Variants in CADM2 observed in about 807,000 individuals in gnomAD.
The protein encoded by CADM2 is immunoglobulin superfamily member 4D.
In CADM2, 12 loss-of-function variants were observed where a neutral mutation model predicts 49.8. The observed-to-expected ratio is 0.24, with a 90% CI of 0.15 to 0.39. CADM2 has a LOEUF of 0.39. Among genes scored for constraint, CADM2 ranks in the 10% least tolerant of loss-of-function variants. The pLI is 1.00. For synonymous variants in CADM2, 214 were observed against 175.4 expected (o/e 1.22, Z -1.74); for missense variants, 378 against 492.3 (o/e 0.77, Z 2.20).
intron 1 of CADM2, among the ~76,000 whole-genome samples, chr3:85,151,108 G>A (rs1253614269): frequency 1.3e-5 from 2 of 151,942 alleles, no homozygotes; most frequent in Admixed American, 6.6e-5. Context: ...GAACAAATGG[G>A]TATGGGTAAG....
intron 1 of CADM2, among the ~76,000 whole-genome samples, chr3:85,468,470 C>T (rs183240378): frequency 1.1e-3 from 162 of 152,168 alleles, no homozygotes; most frequent in Non-Finnish European, 1.9e-3. Flanking sequence ...ATGGAAAAAA[C>T]CATCAAATAA....
chr3:85,001,886 G>A (rs1007652003), intron 1 of CADM2, among the ~76,000 whole-genome samples: 1 of 151,928 alleles, frequency 6.6e-6, no homozygotes, highest in Admixed American at 6.6e-5. Flanking sequence ...CTCAGATTTC[G>A]AATAATTAAA....
intron 1 of CADM2, among the ~76,000 whole-genome samples, chr3:85,105,631 AG>A (rs2038191434): frequency 6.6e-6 from 1 of 152,194 alleles, no homozygotes; most frequent in African/African-American, 2.4e-5. Context: ...GCTGCTATAA[AG>A]ACACATGCAC....
intron 1 of CADM2, among the ~76,000 whole-genome samples, chr3:85,009,197 T>C (rs1365520189): frequency 2.0e-5 from 3 of 152,166 alleles, no homozygotes; most frequent in Non-Finnish European, 4.4e-5. Context: ...ATGATGCTTG[T>C]CTTGTCTGAT....
chr3:85,748,610 C>T (rs542652007), intron 2 of CADM2, among the ~76,000 whole-genome samples: 2 of 152,178 alleles, frequency 1.3e-5, no homozygotes, highest in South Asian at 2.1e-4. Context: ...AGTTTCACAT[C>T]ATCTGAAAAA....
intron 1 of CADM2, among the ~76,000 whole-genome samples, chr3:85,145,226 T>C (rs914260191): frequency 2.0e-5 from 3 of 152,232 alleles, no homozygotes; most frequent in African/African-American, 7.2e-5. Context: ...CACACTAAAA[T>C]GACCACATTT....
chr3:86,029,735 G>C (rs867004626), intron 8 of CADM2, among the ~76,000 whole-genome samples: 2 of 152,024 alleles, frequency 1.3e-5, no homozygotes, highest in South Asian at 4.1e-4. Flanking sequence ...TGACTTGGAT[G>C]TTGACAGGAC....
At chr3:85,966,579 CATGT>C (rs1725498435) in intron 8 of CADM2, among the ~76,000 whole-genome samples, 2 of 151,552 alleles carry the variant, frequency 1.3e-5, no homozygotes, top group Non-Finnish European at 3.0e-5. Flanking sequence ...GTTTTCTTTA[CATGT>C]ATGTATTTTG....
intron 1 of CADM2, among the ~76,000 whole-genome samples, chr3:85,406,810 C>T (rs1199768485): frequency 1.3e-5 from 2 of 152,088 alleles, no homozygotes; most frequent in Non-Finnish European, 2.9e-5. Context: ...CACCTCTTGA[C>T]TGCTGCTTAC....
Position 85,399,249 on chromosome 3 carries a change from C to T in CADM2, c.62-327273C>T, listed in dbSNP as rs548335723. 7.2e-5 allele frequency among the ~76,000 whole-genome samples: 11 copies of T among 152,256 alleles called. No homozygotes were observed. In the East Asian group the frequency reaches 2.1e-3, roughly 29 times the overall value. ...AGCACCATTTATTAAATAGGGAATC[C>T]TTTCCCCATTGCTTGTTTTTGTCAG... On this transcript the variant is annotated intron_variant, in intron 1 of 9. Coordinates refer to ENST00000383699, the MANE Select transcript of CADM2 (RefSeq NM_001167675.2).
chr3:85,123,767 G>A (rs2038940342), intron 1 of CADM2, among the ~76,000 whole-genome samples: 1 of 151,962 alleles, frequency 6.6e-6, no homozygotes, highest in Non-Finnish European at 1.5e-5. Context: ...TTATCCCACA[G>A]ATATTCAATA....
intron 5 of CADM2, among the ~76,000 whole-genome samples, chr3:85,901,374 G>A (rs536171030): frequency 6.6e-6 from 1 of 152,132 alleles, no homozygotes; most frequent in East Asian, 1.9e-4. Flanking sequence ...CCTACATTAT[G>A]TTATAGTATA....
intron 2 of CADM2, chr3:85,801,008 T>A (rs2108072009): frequency 6.6e-6 from 1 of 152,352 alleles, no homozygotes; most frequent in African/African-American, 2.4e-5. Context: ...ATAGTGTTCT[T>A]GCATATGTAA....
At chr3:85,443,062 A>G (rs1456262027) in intron 1 of CADM2, among the ~76,000 whole-genome samples, 1 of 152,124 alleles carries the variant, frequency 6.6e-6, no homozygotes, top group African/African-American at 2.4e-5. Context: ...TGTGTATCTT[A>G]TAAAATAAAC....
chr3:85,004,812 A>G (rs1267182149), intron 1 of CADM2, among the ~76,000 whole-genome samples: 3 of 152,158 alleles, frequency 2.0e-5, no homozygotes, highest in Non-Finnish European at 4.4e-5. Flanking sequence ...GATAGTGTTC[A>G]TGGATTTTAA....
chr3:85,859,248 T>G (rs1408078459), intron 3 of CADM2, among the ~76,000 whole-genome samples: 3 of 144,022 alleles, frequency 2.1e-5, no homozygotes, highest in Non-Finnish European at 4.5e-5. Flanking sequence ...TTTTTTTTTT[T>G]TTGAGACGGA....
intron 1 of CADM2, among the ~76,000 whole-genome samples, chr3:85,441,482 A>G (rs1225505247): frequency 2.0e-5 from 3 of 152,106 alleles, no homozygotes; most frequent in Admixed American, 2.0e-4. Context: ...AGAGAGTCAT[A>G]TTTGAAATAT....
intron 1 of CADM2, among the ~76,000 whole-genome samples, chr3:85,533,402 T>C (rs1224305653): frequency 6.6e-6 from 1 of 152,170 alleles, no homozygotes; most frequent in Non-Finnish European, 1.5e-5. Flanking sequence ...AAATGCCCAA[T>C]ATTGATACCT....
chr3:85,445,928 C>A lies in CADM2; in HGVS notation c.62-280594C>A, dbSNP rs550875556. ...ATTTATACTTTATTAGACTGTATTG[C>A]AAATATATGCATCCTGAAAACTTCA... On this transcript the variant is annotated intron_variant, in intron 1 of 9. Transcript: ENST00000383699. Among the ~76,000 whole-genome samples, 12 of 152,158 alleles carry A rather than the reference C, an allele frequency of 7.9e-5. No homozygotes were observed. In the South Asian group the frequency reaches 1.2e-3, roughly 16 times the overall value.
Sources: gnomAD v4.1 joint callset for allele counts (sites outside exome capture counted in the v4.1 genomes callset) on GRCh38, gnomAD v4.1.1 for gene constraint, MANE v1.5 for transcripts, NCBI Gene and HGNC (gene_info 2026-07-23, HGNC 2026-07-21) for gene names.